ATP6V1A: variants seen among roughly 807,000 people sequenced by gnomAD.
ATP6V1A encodes the protein V-type proton ATPase catalytic subunit A.
Under a neutral mutation model 70.1 loss-of-function variants are expected in ATP6V1A, and 18 were observed. The observed-to-expected ratio is 0.26, with a 90% confidence interval of 0.18 to 0.38. The LOEUF is 0.38. ATP6V1A is among the 10% of genes least tolerant of loss of function. ATP6V1A has a pLI of 1.00. For synonymous variants in ATP6V1A, 232 were observed against 253.8 expected, an observed-to-expected ratio of 0.91 and a Z score of 0.82; for missense variants, 424 against 772.4, an observed-to-expected ratio of 0.55 and a Z score of 5.35.
chr3:113,748,591 C>T (rs1419135145), intron 1 of ATP6V1A, among the ~76,000 whole-genome samples: 1 of 152,164 alleles, frequency 6.6e-6, no homozygotes, highest in Admixed American at 6.5e-5. Context: ...ATACAATAAA[C>T]GGTCTTATTT....
In ATP6V1A at chr3:113,778,768, G is replaced by T; in HGVS notation, c.15G>T (p.Lys5Asn). Residue 5 changes from lysine to asparagine, a missense_variant, in exon 2 of 15, where the codon AAG becomes AAT. Around this residue, in one of 9 missense-constraint regions of ATP6V1A, gnomAD observed 21 missense variants for 20.4 expected, o/e 1.03. Coordinates refer to ENST00000273398, the MANE Select transcript of ATP6V1A (RefSeq NM_001690.4). Reference sequence around the variant, plus strand: ...AAACTAACATTATGGATTTTTCCAAGCTACCCAAAATACTCGATGAAGATA... The same window carrying T: ...AAACTAACATTATGGATTTTTCCAATCTACCCAAAATACTCGATGAAGATA... MDFSKLPKILDEDKE... is the reference protein window; with the variant it reads MDFSNLPKILDEDKE... 1.3e-6 allele frequency: 2 copies of T among 1,587,732 alleles called. No individual in the cohort carries two copies. Among genetic ancestry groups the T allele is most frequent in the South Asian group, 2.3e-5 (2 of 85,452 alleles).
chr3:113,800,129 G>C (rs1709194343), intron 12 of ATP6V1A, among the ~76,000 whole-genome samples: 1 of 151,908 alleles, frequency 6.6e-6, no homozygotes, highest in African/African-American at 2.4e-5. Context: ...CTACTTGAGA[G>C]GCTGAGGCAG....
chr3:113,754,408 C>G (rs1202975527), intron 1 of ATP6V1A, among the ~76,000 whole-genome samples: 1 of 152,060 alleles, frequency 6.6e-6, no homozygotes, highest in African/African-American at 2.4e-5. Context: ...TGGCATGCAC[C>G]TGTAGTCCCA....
intron 1 of ATP6V1A, among the ~76,000 whole-genome samples, chr3:113,755,582 A>G (rs1708639495): frequency 6.6e-6 from 1 of 152,188 alleles, no homozygotes; most frequent in Non-Finnish European, 1.5e-5. Flanking sequence ...TGGGTGACAG[A>G]GCCAGACCCT....
chr3:113,803,958 G>A (rs960430842), intron 13 of ATP6V1A, among the ~76,000 whole-genome samples: 1 of 152,082 alleles, frequency 6.6e-6, no homozygotes, highest in African/African-American at 2.4e-5. Flanking sequence ...TCCTTCAGAA[G>A]CCTTCTTCAT....
intron 14 of ATP6V1A, among the ~76,000 whole-genome samples, chr3:113,806,707 G>A (rs577648477): frequency 5.9e-5 from 9 of 152,094 alleles, no homozygotes; most frequent in Admixed American, 1.3e-4. Flanking sequence ...TGATCTACCC[G>A]CCTCGGCCTC....
chr3:113,784,298 G>A lies in ATP6V1A; in HGVS notation c.286G>A (p.Gly96Arg). ...LSVELGPGIM[G>R]AIFDGIQRPL... is the part of the protein sequence containing the mutation. ...TGTAGAGCTTGGTCCTGGCATTATG[G>A]GAGCCATTTTTGATGGTATTCAAAG... Residue 96 changes from glycine to arginine, a missense_variant, in exon 4 of 15, where the codon GGA becomes AGA. Coordinates refer to ENST00000273398, the MANE Select transcript of ATP6V1A (RefSeq NM_001690.4). 1 of 1,614,108 alleles carries A rather than the reference G, an allele frequency of 6.2e-7. No individual in the cohort carries two copies. The highest frequency in any genetic ancestry group is 8.5e-7 in the Non-Finnish European group (1 of 1,180,004).
At position 113,805,410 on chromosome 3, in the gene ATP6V1A, A is replaced by AT; in HGVS notation, c.1647dup (p.Met550TyrfsTer4). The AT allele has an allele frequency of 6.2e-7, 1 of 1,614,022 alleles. No individual in the cohort carries two copies. Among genetic ancestry groups the AT allele is most frequent in the Non-Finnish European group, 8.5e-7 (1 of 1,179,964 alleles). ...CTGTCCAACATGATTGCATTTTATG[A>AT]TATGGCTCGTAGAGCTGTTGAAACC... On this transcript the variant is annotated frameshift_variant, in exon 14 of 15. Coordinates refer to ENST00000273398, the MANE Select transcript of ATP6V1A (RefSeq NM_001690.4). LOFTEE classifies it high-confidence loss of function.
intron 1 of ATP6V1A, among the ~76,000 whole-genome samples, chr3:113,760,599 G>C (rs914756313): frequency 1.4e-4 from 21 of 149,392 alleles, no homozygotes; most frequent in Non-Finnish European, 1.8e-4. Flanking sequence ...GTGGTGGCGG[G>C]TGCCTGTAGT....
At chr3:113,777,043 T>C (rs1367172299) in intron 1 of ATP6V1A, among the ~76,000 whole-genome samples, 1 of 152,240 alleles carries the variant, frequency 6.6e-6, no homozygotes, top group African/African-American at 2.4e-5. Flanking sequence ...TGACTCTTTG[T>C]GGTTAATTTT....
chr3:113,751,299 T>C (rs1173242864), intron 1 of ATP6V1A, among the ~76,000 whole-genome samples: 4 of 152,040 alleles, frequency 2.6e-5, no homozygotes, highest in Non-Finnish European at 5.9e-5. Flanking sequence ...CCTTCTTAAA[T>C]TCATGATTCA....
rs368448335 is a variant in ATP6V1A, at chr3:113,795,990, A to G, written c.1290+51A>G. 1.2e-4 allele frequency: 168 copies of G among 1,452,640 alleles called. 1 individual carries two copies. In the African/African-American group the frequency reaches 2.0e-3, roughly 18 times the overall value. 90.0% of individuals were successfully genotyped at this position (1,452,640 alleles called of 1,614,324 possible). A position where few individuals can be genotyped will look rare whatever the true frequency, so the allele number is the denominator to read the frequency against. ...CTTCTGAGCCTTTCCTCCTCTCTGCAGCCCCTGCTGTTCTAATGCGATCTA... is the reference window on the plus strand; with the variant it reads ...CTTCTGAGCCTTTCCTCCTCTCTGCGGCCCCTGCTGTTCTAATGCGATCTA... On this transcript the variant is annotated intron_variant, in intron 11 of 14. Coordinates refer to ENST00000273398, the MANE Select transcript of ATP6V1A (RefSeq NM_001690.4).
intron 12 of ATP6V1A, among the ~76,000 whole-genome samples, chr3:113,800,620 A>C (rs190950343): frequency 2.6e-5 from 4 of 152,344 alleles, no homozygotes; most frequent in Admixed American, 1.3e-4. Flanking sequence ...ATCCAGATAG[A>C]TTCATAATTT....
intron 6 of ATP6V1A, among the ~76,000 whole-genome samples, 197 bp downstream of exon 6, chr3:113,786,580 A>G (rs1444502873): frequency 1.3e-5 from 2 of 152,108 alleles, no homozygotes; most frequent in African/African-American, 4.8e-5. Flanking sequence ...TACTTTTTTC[A>G]TGGTTGCCCC....
At chr3:113,808,515 A>G (rs1211067320) in intron 14 of ATP6V1A, among the ~76,000 whole-genome samples, 1 of 151,894 alleles carries the variant, frequency 6.6e-6, no homozygotes, top group African/African-American at 2.4e-5. Context: ...GATGGTCTCA[A>G]TCTCCCGACC....
intron 1 of ATP6V1A, among the ~76,000 whole-genome samples, chr3:113,772,361 C>T (rs1171525615): frequency 6.6e-6 from 1 of 152,142 alleles, no homozygotes; most frequent in Admixed American, 6.5e-5. Context: ...GAGAAAAGAA[C>T]ATTCTAGGGA....
chr3:113,772,727 C>CA lies in ATP6V1A; in HGVS notation c.-13-5999dup, dbSNP rs570501520. Among the ~76,000 whole-genome samples, 607 of 112,728 alleles carry CA rather than the reference C, an allele frequency of 5.4e-3. 2 individuals carry two copies. Among genetic ancestry groups the CA allele is most frequent in the East Asian group, 8.4e-3 (32 of 3,808 alleles). The allele number at this position is 112,728 out of a possible 152,430, so 74.0% of individuals were successfully genotyped here. Reference sequence around the variant, plus strand: ...TGGGCGACAGAGCAAGACTCCATCTCAAAAAAAAAAAAAAACCAAATGGAC... The same window carrying CA: ...TGGGCGACAGAGCAAGACTCCATCTCAAAAAAAAAAAAAAAACCAAATGGAC... On this transcript the variant is annotated intron_variant, in intron 1 of 14. Transcript: ENST00000273398.
chr3:113,803,026 T>C lies in ATP6V1A; in HGVS notation c.1495-557T>C, dbSNP rs573849087. Among the ~76,000 whole-genome samples, 7 of 152,306 alleles carry C rather than the reference T, an allele frequency of 4.6e-5. No homozygotes were observed. The South Asian group carries it at 1.4e-3, about 32-fold the overall frequency. On this transcript the variant is annotated intron_variant, in intron 12 of 14. Transcript: ENST00000273398. ...TGGAAGCAACCCATATGTCCATCTATGGATGAATCCATAAACAAAATGTGG... is the reference window on the plus strand; with the variant it reads ...TGGAAGCAACCCATATGTCCATCTACGGATGAATCCATAAACAAAATGTGG...
intron 3 of ATP6V1A, among the ~76,000 whole-genome samples, chr3:113,783,002 T>G (rs1577089341): frequency 6.6e-6 from 1 of 152,196 alleles, no homozygotes; most frequent in Admixed American, 6.5e-5. Flanking sequence ...AGAACCTAGC[T>G]TGTAGAGACT....
Sources: allele counts gnomAD v4.1 joint callset (sites outside exome capture counted in the v4.1 genomes callset), GRCh38; gene constraint gnomAD v4.1.1; regional missense constraint gnomAD v4.1.1; transcripts MANE v1.5; gene names NCBI Gene and HGNC (gene_info 2026-07-23, HGNC 2026-07-21).